Variants in ME3 observed in about 807,000 individuals in gnomAD.
The protein encoded by ME3 is NADP-dependent malic enzyme, mitochondrial.
ME3 carries 48 observed loss-of-function variants against 68.9 expected under a neutral mutation model. That is an observed-to-expected ratio of 0.70 (90% confidence interval 0.55 to 0.89). The LOEUF is 0.89. Ranked by LOEUF, ME3 falls within the 40% of genes least tolerant of loss-of-function variation. The pLI is 0.00. For missense variants in ME3, 675 were observed against 797.4 expected (o/e 0.85, Z 1.85); for synonymous variants, 320 against 318.8 (o/e 1.00, Z -0.04).
intron 2 of ME3, among the ~76,000 whole-genome samples, chr11:86,657,578 C>A (rs1357861758): frequency 6.6e-6 from 1 of 151,944 alleles, no homozygotes; most frequent in African/African-American, 2.4e-5. Flanking sequence ...ATGTAATAAA[C>A]CTGCACATTC....
intron 8 of ME3, among the ~76,000 whole-genome samples, chr11:86,452,545 GC>G (rs1380966271): frequency 6.6e-6 from 1 of 152,192 alleles, no homozygotes; most frequent in Non-Finnish European, 1.5e-5. Flanking sequence ...AAGAATCCCA[GC>G]CACCTGAGGT....
intron 8 of ME3, among the ~76,000 whole-genome samples, chr11:86,456,047 C>T (rs1949902272): frequency 6.6e-6 from 1 of 152,182 alleles, no homozygotes; most frequent in Admixed American, 6.5e-5. Flanking sequence ...TTCTTACTCT[C>T]CGCCCATAAA....
intron 10 of ME3, among the ~76,000 whole-genome samples, chr11:86,449,184 C>G (rs990986922): frequency 6.6e-6 from 1 of 152,228 alleles, no homozygotes; most frequent in Non-Finnish European, 1.5e-5. Context: ...TCATCTCTCA[C>G]TGACATTCTA....
intron 8 of ME3, among the ~76,000 whole-genome samples, chr11:86,463,424 G>A (rs1950326670): frequency 6.6e-6 from 1 of 152,238 alleles, no homozygotes; most frequent in Admixed American, 6.5e-5. Context: ...CTGACAATGA[G>A]GTGAGTGAGG....
chr11:86,505,797 G>A (rs956090879), intron 5 of ME3, among the ~76,000 whole-genome samples: 1 of 152,226 alleles, frequency 6.6e-6, no homozygotes, highest in Non-Finnish European at 1.5e-5. Flanking sequence ...AGCTGGGTCT[G>A]ATTCCTCTAC....
chr11:86,567,019 A>T (rs897648164), intron 2 of ME3, among the ~76,000 whole-genome samples: 3 of 151,900 alleles, frequency 2.0e-5, no homozygotes, highest in Non-Finnish European at 4.4e-5. Context: ...GGAGTTCAAG[A>T]CCAGTCTGAC....
rs11402713 is a variant in ME3, at chr11:86,637,349, C to CAAA, written c.183+34410_183+34412dup. Among the ~76,000 whole-genome samples, 295 of 122,006 alleles carry CAAA rather than the reference C, an allele frequency of 2.4e-3. 5 individuals carry two copies. The highest frequency in any genetic ancestry group is 3.4e-3 in the Non-Finnish European group (204 of 59,510). The allele number at this position is 122,006 out of a possible 152,430, so 80.0% of individuals were successfully genotyped here. ...TAAACAACAACAACAACAAGAAGCA[C>CAAA]AAAAAAAAAAAAAAAAGCAAAACTC... On this transcript the variant is annotated intron_variant, in intron 2 of 14. Coordinates refer to ENST00000543262, the Ensembl canonical transcript of ME3.
At chr11:86,518,360 C>T (rs907892334) in intron 4 of ME3, among the ~76,000 whole-genome samples, 5 of 151,706 alleles carry the variant, frequency 3.3e-5, no homozygotes, top group Admixed American at 6.6e-5. Flanking sequence ...ATGGAGGCTG[C>T]GATCGACTTG....
chr11:86,624,994 T>C (rs1361466337), intron 2 of ME3, among the ~76,000 whole-genome samples: 2 of 152,116 alleles, frequency 1.3e-5, no homozygotes, highest in East Asian at 1.9e-4. Flanking sequence ...ATGACATGCT[T>C]AGGAGAAAGG....
chr11:86,436,839 A>T (rs1241650157), downstream of ME3: 2 of 152,186 alleles, frequency 1.3e-5, no homozygotes, highest in Non-Finnish European at 2.9e-5. Context: ...AGTAAATTTG[A>T]TTAAAATTGA....
intron 13 of ME3, among the ~76,000 whole-genome samples, chr11:86,443,846 G>A (rs1436594467): frequency 6.6e-6 from 1 of 152,190 alleles, no homozygotes; most frequent in Admixed American, 6.5e-5. Context: ...ACAGAGAGAA[G>A]GCCAAGTCTG....
chr11:86,487,260 A>G, intron 7 of ME3, 77 bp downstream of exon 7: 1 of 1,228,936 alleles, frequency 8.1e-7, no homozygotes, highest in Non-Finnish European at 1.2e-6. Context: ...TTTGTATATC[A>G]GCCAAAACCA....
chr11:86,650,820 G>A (rs1178250854), intron 2 of ME3, among the ~76,000 whole-genome samples: 2 of 152,216 alleles, frequency 1.3e-5, no homozygotes, highest in African/African-American at 4.8e-5. Flanking sequence ...GGAAGTGCAA[G>A]GGGTCAGGGA....
intron 4 of ME3, among the ~76,000 whole-genome samples, chr11:86,543,862 G>A (rs578186054): frequency 5.9e-5 from 9 of 152,184 alleles, no homozygotes; most frequent in African/African-American, 2.2e-4. Flanking sequence ...ATTCTTCTCA[G>A]CACCACATCA....
intron 2 of ME3, among the ~76,000 whole-genome samples, chr11:86,579,417 A>C (rs1958305634): frequency 6.6e-6 from 1 of 152,122 alleles, no homozygotes; most frequent in Admixed American, 6.6e-5. Context: ...CCATGTGATC[A>C]CAGGGAACTT....
At chr11:86,579,140 C>G (rs1318820993) in intron 2 of ME3, among the ~76,000 whole-genome samples, 1 of 152,114 alleles carries the variant, frequency 6.6e-6, no homozygotes, top group East Asian at 1.9e-4. Flanking sequence ...ATAGCCCCTG[C>G]CTTCACTGAG....
intron 2 of ME3, among the ~76,000 whole-genome samples, chr11:86,579,679 T>C (rs1383435315): frequency 6.6e-6 from 1 of 152,186 alleles, no homozygotes; most frequent in Non-Finnish European, 1.5e-5. Flanking sequence ...TCCTCCTCCT[T>C]TAATCTCTAT....
Position 86,475,851 on chromosome 11 carries a change from G to GTATA in ME3, c.810-10655_810-10652dup, listed in dbSNP as rs68158647. Among the ~76,000 whole-genome samples, 709 of 114,570 alleles carry GTATA rather than the reference G, an allele frequency of 6.2e-3. 9 individuals are homozygous for GTATA. The highest frequency in any genetic ancestry group is 0.01 in the African/African-American group (279 of 27,354). 75.2% of individuals were successfully genotyped at this position (114,570 alleles called of 152,430 possible). A position where few individuals can be genotyped will look rare whatever the true frequency, so the allele number is the denominator to read the frequency against. On this transcript the variant is annotated intron_variant, in intron 7 of 14. Coordinates refer to ENST00000543262, the Ensembl canonical transcript of ME3. ...CCACAGAAGGCATTCCTAATATTCA[G>GTATA]TATATATATATATATATATATATAG... is the stretch of plus-strand genomic sequence containing the variant.
chr11:86,630,714 G>GT (rs1943960263), intron 2 of ME3, among the ~76,000 whole-genome samples: 1 of 152,234 alleles, frequency 6.6e-6, no homozygotes, highest in Non-Finnish European at 1.5e-5. Context: ...AACACCCAGC[G>GT]TCTCCTCAGA....
Sources: allele counts gnomAD v4.1 joint callset (sites outside exome capture counted in the v4.1 genomes callset), GRCh38; gene constraint gnomAD v4.1.1; transcripts MANE v1.5; gene names NCBI Gene and HGNC (gene_info 2026-07-23, HGNC 2026-07-21).